Variants in AHCTF1 observed in about 807,000 individuals in gnomAD.
AHCTF1 encodes the protein AT-hook containing transcription factor 1, also known as protein ELYS.
AHCTF1 carries 24 observed loss-of-function variants against 248.4 expected under a neutral mutation model. The ratio of observed to expected loss-of-function variants is 0.10; its 90% CI spans 0.07 to 0.14. AHCTF1 has a LOEUF of 0.14. Among genes scored for constraint, AHCTF1 ranks in the 10% least tolerant of loss-of-function variants. The probability of loss-of-function intolerance (pLI) is 1.00; values close to 1 mark genes in which losing one functional copy is unlikely to be tolerated. For missense variants in AHCTF1, 2,206 were observed against 2,636.2 expected, an observed-to-expected ratio of 0.84 and a Z score of 3.57; for synonymous variants, 786 against 929.8, an observed-to-expected ratio of 0.85 and a Z score of 2.81.
chr1:246,931,739 G>A lies in AHCTF1; in HGVS notation c.-169C>T. On this transcript the variant is annotated 5_prime_UTR_variant, in exon 1 of 36. Coordinates refer to ENST00000648844, the MANE Select transcript of AHCTF1 (RefSeq NM_001323342.2). ...CGCCCGGCTGAAGCCGCTCCTCTGC[G>A]CTCCGGCCGCCGCCTGCGACCTCCC... is the stretch of plus-strand genomic sequence containing the variant. 1 of 153,002 alleles carries A rather than the reference G, an allele frequency of 6.5e-6. No homozygotes were observed. Among genetic ancestry groups the A allele is most frequent in the Non-Finnish European group, 1.5e-5 (1 of 68,722 alleles). The allele number at this position is 153,002 out of a possible 1,614,324, so 9.5% of individuals were successfully genotyped here.
chr1:246,863,366 G>A (rs939433046), intron 27 of AHCTF1, among the ~76,000 whole-genome samples: 3 of 149,800 alleles, frequency 2.0e-5, no homozygotes, highest in Non-Finnish European at 4.4e-5. Flanking sequence ...TAGGGAGATA[G>A]TATGTTTAAA....
chr1:246,840,694 T>C lies in AHCTF1; in HGVS notation c.*112A>G, dbSNP rs1659792824. 7.9e-6 allele frequency: 7 copies of C among 887,262 alleles called. No individual in the cohort carries two copies. The highest frequency in any genetic ancestry group is 1.1e-5 in the Non-Finnish European group (7 of 635,422). 55.0% of individuals were successfully genotyped at this position (887,262 alleles called of 1,614,324 possible). ...ACTTATTGAAGACCTTCTGTTTACATAAAAATTTACAATAATTTATATAAA... is the reference window on the plus strand; with the variant it reads ...ACTTATTGAAGACCTTCTGTTTACACAAAAATTTACAATAATTTATATAAA... On this transcript the variant is annotated 3_prime_UTR_variant, in exon 36 of 36. Coordinates refer to ENST00000648844, the MANE Select transcript of AHCTF1 (RefSeq NM_001323342.2).
In AHCTF1 at chr1:246,867,597, A is replaced by G. The variant is rs573969347; in HGVS notation, c.3239+64T>C. Reference sequence around the variant, plus strand: ...GGCAAAGAGAGTGGATTGTTGATGAACGCTGTTGATGTCCAGTAAAGATTA... The same window carrying G: ...GGCAAAGAGAGTGGATTGTTGATGAGCGCTGTTGATGTCCAGTAAAGATTA... On this transcript the variant is annotated intron_variant, in intron 25 of 35. Coordinates refer to ENST00000648844, the MANE Select transcript of AHCTF1 (RefSeq NM_001323342.2). 3.2e-6 allele frequency: 5 copies of G among 1,560,692 alleles called. No individual in the cohort carries two copies. In the South Asian group the frequency reaches 5.8e-5, roughly 18 times the overall value.
At chr1:246,929,863 C>T (rs546314204) in intron 1 of AHCTF1, among the ~76,000 whole-genome samples, 2 of 152,172 alleles carry the variant, frequency 1.3e-5, no homozygotes, top group Non-Finnish European at 2.9e-5. Context: ...ACCAGCCTGG[C>T]CAATATGGTG....
chr1:246,843,691 A>C, intron 34 of AHCTF1, 104 bp downstream of exon 34: 3 of 958,102 alleles, frequency 3.1e-6, no homozygotes, highest in Non-Finnish European at 4.0e-6. Context: ...TAATAAACAA[A>C]ATTTAAAATC....
chr1:246,894,603 C>A, intron 14 of AHCTF1, 56 bp downstream of exon 14: 1 of 1,359,252 alleles, frequency 7.4e-7, no homozygotes, highest in South Asian at 1.2e-5. Context: ...AGACATAAAC[C>A]AAGGTTAGTA....
chr1:246,924,796 T>C (rs1455012583), intron 1 of AHCTF1, among the ~76,000 whole-genome samples: 1 of 152,196 alleles, frequency 6.6e-6, no homozygotes, highest in Non-Finnish European at 1.5e-5. Context: ...TGTTTGAGAT[T>C]TCCAAGTCAT....
At chr1:246,867,866 T>C in intron 24 of AHCTF1, 55 bp from the exon 25 acceptor site, 1 of 1,222,514 alleles carries the variant, frequency 8.2e-7, no homozygotes, top group Non-Finnish European at 1.1e-6. Context: ...GGGAATTTAA[T>C]AAAAGCATAT....
intron 19 of AHCTF1, 148 bp downstream of exon 19, chr1:246,888,029 C>T: frequency 2.4e-6 from 2 of 829,780 alleles, no homozygotes; most frequent in Non-Finnish European, 3.7e-6. Context: ...CCATCTGAGC[C>T]CAAACAACAG....
chr1:246,895,963 A>G (rs1412114342), intron 12 of AHCTF1, 38 bp from the exon 13 acceptor site: 2 of 1,560,114 alleles, frequency 1.3e-6, no homozygotes, highest in Admixed American at 3.5e-5. Flanking sequence ...AAATGGAAAG[A>G]AAGAGGGTGT....
chr1:246,931,201 G>A, intron 1 of AHCTF1: 2 of 1,550,150 alleles, frequency 1.3e-6, no homozygotes, highest in East Asian at 2.4e-5. Flanking sequence ...CGCTTCCCTC[G>A]GGGAAAGGCC....
intron 1 of AHCTF1, among the ~76,000 whole-genome samples, chr1:246,930,017 A>C (rs1035578095): frequency 1.3e-5 from 2 of 151,346 alleles, no homozygotes; most frequent in Non-Finnish European, 2.9e-5. Flanking sequence ...GTGCCACTGC[A>C]CTCCAGCCTG....
intron 14 of AHCTF1, among the ~76,000 whole-genome samples, chr1:246,894,298 C>T (rs917034836): frequency 5.3e-5 from 8 of 152,112 alleles, no homozygotes; most frequent in African/African-American, 1.2e-4. Flanking sequence ...TCAGGCCAGG[C>T]GCGGTGGCTC....
chr1:246,840,863 C>G lies in AHCTF1; in HGVS notation c.6744G>C (p.Arg2248Ser). The change falls in exon 36 of 36, where the codon AGG (arginine) becomes AGC (serine). Residue 2248 changes from arginine to serine, a missense_variant. This residue lies in a region of AHCTF1 where 469 missense variants were observed against 470.0 expected (regional missense o/e 1.00). Coordinates refer to ENST00000648844, the MANE Select transcript of AHCTF1 (RefSeq NM_001323342.2). ...GATAGGAAGACAGTTTCTTTCTGTT[C>G]CTTCCAAGACCTGTTCCTGTCACTT... is the stretch of plus-strand genomic sequence containing the variant. ...TTEVTGTGLG[R>S]NRKKLSSYPK... 1 of 1,610,472 alleles carries G rather than the reference C, an allele frequency of 6.2e-7. No individual in the cohort carries two copies. The highest frequency in any genetic ancestry group is 2.2e-5 in the East Asian group (1 of 44,782).
At chr1:246,920,615 A>C (rs2103236968) in intron 1 of AHCTF1, among the ~76,000 whole-genome samples, 1 of 151,888 alleles carries the variant, frequency 6.6e-6, no homozygotes, top group South Asian at 2.1e-4. Context: ...CTAAAAATAC[A>C]AAAAATTAGC....
chr1:246,866,634 T>A (rs910550207), intron 26 of AHCTF1, among the ~76,000 whole-genome samples: 11 of 152,180 alleles, frequency 7.2e-5, no homozygotes, highest in African/African-American at 2.7e-4. Context: ...TGTAATTTTG[T>A]CTTTGATAAA....
intron 14 of AHCTF1, among the ~76,000 whole-genome samples, chr1:246,892,301 C>CTTTTTTTTTTT (rs74163502): frequency 1.5e-5 from 1 of 64,966 alleles, no homozygotes; most frequent in Non-Finnish European, 2.7e-5. Flanking sequence ...ATTTGTTTTA[C>CTTTTTTTTTTT]TTTTTTTTTT....
At position 246,857,831 on chromosome 1, in the gene AHCTF1, TAAG is replaced by T; in HGVS notation, c.4133-20_4133-18del. The T allele has an allele frequency of 6.3e-7, 1 of 1,587,954 alleles. No individual in the cohort carries two copies. On this transcript the variant is annotated intron_variant, in intron 29 of 35. Transcript: ENST00000648844. Reference sequence around the variant, plus strand: ...CTAAATTGCCTATAAGTCATACAAATAAGAATATTATTTATGCTAAATATTTAG... The same window carrying T: ...CTAAATTGCCTATAAGTCATACAAATAATATTATTTATGCTAAATATTTAG...
At chr1:246,858,077 C>A (rs976691080) in intron 29 of AHCTF1, among the ~76,000 whole-genome samples, 6 of 151,774 alleles carry the variant, frequency 4.0e-5, no homozygotes, top group Admixed American at 2.6e-4. Context: ...CTCCTGCCTC[C>A]GCCCCCCGAG....
Sources: allele counts gnomAD v4.1 joint callset (sites outside exome capture counted in the v4.1 genomes callset), GRCh38; gene constraint gnomAD v4.1.1; regional missense constraint gnomAD v4.1.1; transcripts MANE v1.5; gene names NCBI Gene and HGNC (gene_info 2026-07-23, HGNC 2026-07-21).